DNAH11: variants seen among roughly 807,000 people sequenced by gnomAD.
DNAH11 encodes the protein dynein axonemal heavy chain 11.
In DNAH11, 442 loss-of-function variants were observed where a neutral mutation model predicts 526.0. The observed-to-expected ratio is 0.84, with a 90% CI of 0.78 to 0.91. The LOEUF is 0.91. Ranked by LOEUF, DNAH11 falls within the 40% of genes least tolerant of loss-of-function variation. DNAH11 has a pLI of 0.00. For synonymous variants in DNAH11, 2,461 were observed against 1,935.9 expected (o/e 1.27, Z -7.12); for missense variants, 6,989 against 5,448.7 (o/e 1.28, Z -8.90).
intron 65 of DNAH11, among the ~76,000 whole-genome samples, chr7:21,831,465 T>G (rs1562571948): frequency 6.6e-6 from 1 of 152,190 alleles, no homozygotes; most frequent in African/African-American, 2.4e-5. Context: ...TCATAGATCA[T>G]AAACACCCCA....
At chr7:21,634,966 C>G (rs1336442793) in intron 25 of DNAH11, among the ~76,000 whole-genome samples, 1 of 152,072 alleles carries the variant, frequency 6.6e-6, no homozygotes, top group African/African-American at 2.4e-5. Context: ...TTAATTTAAA[C>G]ATGAGAAACA....
At chr7:21,762,857 A>G (rs2893047) in intron 54 of DNAH11, among the ~76,000 whole-genome samples, 1 of 152,024 alleles carries the variant, frequency 6.6e-6, no homozygotes, top group Non-Finnish European at 1.5e-5. Flanking sequence ...ACAAAAGCAA[A>G]AACAGACAAG....
rs140195288 is a variant in DNAH11, at chr7:21,639,769, G to T, written c.4944+704G>T. ...CATTCCTATTCACTTAGATCTTACAGTTGTGGCTGACATAGCTGGTCACTC... is the reference window on the plus strand; with the variant it reads ...CATTCCTATTCACTTAGATCTTACATTTGTGGCTGACATAGCTGGTCACTC... On this transcript the variant is annotated intron_variant, in intron 28 of 81. Transcript: ENST00000409508. Among the ~76,000 whole-genome samples the T allele has an allele frequency of 1.0e-3, 158 of 152,196 alleles. 1 individual carries two copies. Among genetic ancestry groups the T allele is most frequent in the African/African-American group, 3.7e-3 (155 of 41,522 alleles).
intron 65 of DNAH11, among the ~76,000 whole-genome samples, chr7:21,818,639 G>A (rs1291134175): frequency 1.3e-5 from 2 of 152,128 alleles, no homozygotes; most frequent in Non-Finnish European, 2.9e-5. Flanking sequence ...TCTAACTTCA[G>A]TAATTTGCAG....
intron 41 of DNAH11, among the ~76,000 whole-genome samples, chr7:21,711,395 A>G (rs1235797637): frequency 1.3e-5 from 2 of 152,234 alleles, no homozygotes; most frequent in African/African-American, 4.8e-5. Context: ...GGTATTTCAG[A>G]TTCTAAAGAA....
intron 63 of DNAH11, among the ~76,000 whole-genome samples, chr7:21,815,836 T>C (rs1246477499): frequency 2.0e-5 from 3 of 152,104 alleles, no homozygotes; most frequent in Non-Finnish European, 4.4e-5. Context: ...AATGGATTGC[T>C]CTCTCCACCC....
intron 51 of DNAH11, among the ~76,000 whole-genome samples, chr7:21,746,657 A>G (rs1786165421): frequency 6.6e-6 from 1 of 152,156 alleles, no homozygotes; most frequent in Admixed American, 6.5e-5. Flanking sequence ...GATGTGGAGA[A>G]TTCAGTTTTT....
chr7:21,585,351 A>G (rs945708901), intron 9 of DNAH11, among the ~76,000 whole-genome samples: 2 of 152,152 alleles, frequency 1.3e-5, no homozygotes, highest in Admixed American at 6.6e-5. Flanking sequence ...AAAAATTACA[A>G]GGCTGTGTAC....
chr7:21,637,658 G>A lies in DNAH11; in HGVS notation c.4773G>A (p.Thr1591=), dbSNP rs746316169. 2.1e-5 allele frequency: 34 copies of A among 1,587,010 alleles called. No homozygotes were observed. Among genetic ancestry groups the A allele is most frequent in the Middle Eastern group, 1.7e-4 (1 of 6,046 alleles). Residue 1591 remains threonine (T), a synonymous_variant, in exon 27 of 82, where the codon ACG becomes ACA. Transcript: ENST00000409508. Reference sequence around the variant, plus strand: ...AAGTAGAAAATGTGTTAGAAGCAACGTGCAGACCTAATCTCTATGAAAAAC... The same window carrying A: ...AAGTAGAAAATGTGTTAGAAGCAACATGCAGACCTAATCTCTATGAAAAAC... The part of the protein sequence containing the change: ...TAKVENVLEA[T]CRPNLYEKLK...
At chr7:21,825,023 C>G (rs1480579652) in intron 65 of DNAH11, among the ~76,000 whole-genome samples, 1 of 152,158 alleles carries the variant, frequency 6.6e-6, no homozygotes, top group Non-Finnish European at 1.5e-5. Flanking sequence ...AGGCGCCTGC[C>G]ACCAGGCCTG....
chr7:21,591,993 C>A (rs1784703734), intron 14 of DNAH11, among the ~76,000 whole-genome samples: 1 of 152,100 alleles, frequency 6.6e-6, no homozygotes, highest in African/African-American at 2.4e-5. Flanking sequence ...CTCCTTTTAA[C>A]AAAGATTTGA....
At position 21,738,816 on chromosome 7, in the gene DNAH11, C is replaced by G; in HGVS notation, c.7761C>G (p.Gly2587=). ...ACATGCCTGAAGTGGACTTATATGG[C>G]ACCGTTCAGCCTCACACCCTGATCC... ...DMNMPEVDLY[G]TVQPHTLIRQ... The change falls in exon 47 of 82, where the codon GGC becomes GGG. Residue 2587 remains glycine (G), a synonymous_variant. Coordinates refer to ENST00000409508, the MANE Select transcript of DNAH11 (RefSeq NM_001277115.2). 2 of 1,605,552 alleles carry G rather than the reference C, an allele frequency of 1.2e-6. No homozygotes were observed. Among genetic ancestry groups the G allele is most frequent in the Non-Finnish European group, 1.7e-6 (2 of 1,175,786 alleles).
chr7:21,729,401 T>A (rs777933874), intron 45 of DNAH11, among the ~76,000 whole-genome samples: 4 of 152,228 alleles, frequency 2.6e-5, no homozygotes, highest in Admixed American at 6.5e-5. Context: ...ACTTTGGTGT[T>A]CTCTCCAGAA....
intron 61 of DNAH11, among the ~76,000 whole-genome samples, chr7:21,794,074 A>T (rs1788600058): frequency 6.6e-6 from 1 of 152,208 alleles, no homozygotes; most frequent in Admixed American, 6.5e-5. Flanking sequence ...TTACTTCAGC[A>T]AACGTATTTC....
At position 21,588,616 on chromosome 7, in the gene DNAH11, C is replaced by G; in HGVS notation, c.1953C>G (p.Asn651Lys). ...VLQRLQMFWS[N>K]FASLRYLFLG... is the part of the protein sequence containing the mutation. ...AACGACTTCAAATGTTTTGGTCAAA[C>G]TTCGCATCTCTCCGTTATCTGTAAG... is the stretch of plus-strand genomic sequence containing the variant. The change falls in exon 11 of 82, where the codon AAC (asparagine) becomes AAG (lysine). Residue 651 changes from asparagine to lysine, a missense_variant. Physicochemically the swap from Asn to Lys is moderately conservative, Grantham distance 94 (BLOSUM62 0). Coordinates refer to ENST00000409508, the MANE Select transcript of DNAH11 (RefSeq NM_001277115.2). The G allele has an allele frequency of 6.2e-7, 1 of 1,613,506 alleles. No homozygotes were observed. Among genetic ancestry groups the G allele is most frequent in the Admixed American group, 1.7e-5 (1 of 60,020 alleles).
chr7:21,705,400 G>C, intron 38 of DNAH11, 60 bp from the exon 39 acceptor site: 1 of 1,572,822 alleles, frequency 6.4e-7, no homozygotes, highest in Non-Finnish European at 8.7e-7. Flanking sequence ...AAAAATGGTA[G>C]ATTATCTTTT....
chr7:21,786,795 A>C (rs1250503084), intron 59 of DNAH11, 28 bp downstream of exon 59: 2 of 1,612,368 alleles, frequency 1.2e-6, no homozygotes, highest in Non-Finnish European at 1.7e-6. Context: ...CAAGATGAAA[A>C]TCCTGATAAT....
intron 61 of DNAH11, among the ~76,000 whole-genome samples, chr7:21,791,208 C>T (rs1788466612): frequency 6.6e-6 from 1 of 152,214 alleles, no homozygotes; most frequent in Non-Finnish European, 1.5e-5. Context: ...CCTGGAGCTT[C>T]AGTTTCTCAT....
intron 66 of DNAH11, among the ~76,000 whole-genome samples, chr7:21,845,198 C>T (rs1269750518): frequency 6.6e-6 from 1 of 151,954 alleles, no homozygotes; most frequent in African/African-American, 2.4e-5. Context: ...TTGTTGGTGT[C>T]CTTTGAAGCA....
Sources: allele counts gnomAD v4.1 joint callset (sites outside exome capture counted in the v4.1 genomes callset), GRCh38; gene constraint gnomAD v4.1.1; transcripts MANE v1.5; gene names NCBI Gene and HGNC (gene_info 2026-07-23, HGNC 2026-07-21).